MCTP2: variants seen among roughly 807,000 people sequenced by gnomAD.
The protein encoded by MCTP2 is multiple C2 and transmembrane domain containing 2, also known as multiple C2 and transmembrane domain-containing protein 2.
In MCTP2, 132 loss-of-function variants were observed where a neutral mutation model predicts 111.6. The observed-to-expected ratio is 1.18, with a 90% CI of 1.03 to 1.37. The LOEUF (loss-of-function observed/expected upper bound fraction) is 1.37, where lower values mean the gene tolerates loss of function less well. Among genes scored for constraint, MCTP2 ranks in the 40% most tolerant of loss-of-function variants. MCTP2 has a pLI of 0.00. For missense variants in MCTP2, 1,183 were observed against 1,067.9 expected, an observed-to-expected ratio of 1.11 and a Z score of -1.50; for synonymous variants, 395 against 387.7, an observed-to-expected ratio of 1.02 and a Z score of -0.22.
chr15:94,260,032 C>T (rs1431360514), intron 1 of MCTP2, among the ~76,000 whole-genome samples: 2 of 152,156 alleles, frequency 1.3e-5, no homozygotes, highest in South Asian at 2.1e-4. Flanking sequence ...ACTTTCTCTT[C>T]CCCTTTGGCT....
intron 17 of MCTP2, among the ~76,000 whole-genome samples, chr15:94,428,691 GT>G (rs1188604569): frequency 6.6e-6 from 1 of 151,648 alleles, no homozygotes; most frequent in East Asian, 1.9e-4. Flanking sequence ...CTATAACCTT[GT>G]TTCTGTGGTC....
chr15:94,249,100 A>C (rs945616697), intron 1 of MCTP2, among the ~76,000 whole-genome samples: 1 of 152,188 alleles, frequency 6.6e-6, no homozygotes, highest in Non-Finnish European at 1.5e-5. Flanking sequence ...AAACATGATA[A>C]TATTTTATTA....
chr15:94,300,390 G>T (rs2075548167), intron 2 of MCTP2, among the ~76,000 whole-genome samples: 1 of 151,544 alleles, frequency 6.6e-6, no homozygotes, highest in Non-Finnish European at 1.5e-5. Context: ...GGCACCTGTA[G>T]TCCCAGCTAC....
rs4001978 is a variant in MCTP2 at position 94,464,257 on chromosome 15, T to TATTA, written c.2360+6011_2360+6012insATTA. On this transcript the variant is annotated intron_variant, in intron 20 of 22. Transcript: ENST00000357742. ...TATATATAATATATATATATATATA[T>TATTA]TATATATATATATATATATATAAAC... 4.7e-3 allele frequency among the ~76,000 whole-genome samples: 213 copies of TATTA among 44,938 alleles called. 11 individuals carry two copies. The highest frequency in any genetic ancestry group is 0.018 in the South Asian group (24 of 1,318). 29.5% of individuals were successfully genotyped at this position (44,938 alleles called of 152,430 possible). A position where few individuals can be genotyped will look rare whatever the true frequency, so the allele number is the denominator to read the frequency against.
intron 17 of MCTP2, chr15:94,402,612 T>G (rs1474321707): frequency 6.5e-7 from 1 of 1,550,076 alleles, no homozygotes; most frequent in South Asian, 1.2e-5. Flanking sequence ...ACCACCTAAG[T>G]CTACCACTGA....
At chr15:94,291,578 G>C (rs2075033311) in intron 1 of MCTP2, among the ~76,000 whole-genome samples, 1 of 151,482 alleles carries the variant, frequency 6.6e-6, no homozygotes, top group Non-Finnish European at 1.5e-5. Context: ...TCCAGCCTGG[G>C]CTACAAGAGC....
chr15:94,470,252 A>C (rs897526039), intron 20 of MCTP2, 81 bp from the exon 21 acceptor site: 2 of 1,066,106 alleles, frequency 1.9e-6, no homozygotes, highest in African/African-American at 1.6e-5. Context: ...ATAATTATGA[A>C]CATGAAATAA....
chr15:94,403,316 C>G, intron 17 of MCTP2: 1 of 912,362 alleles, frequency 1.1e-6, no homozygotes, highest in Non-Finnish European at 1.3e-6. Context: ...TCACGTTCTC[C>G]TCAGCTGGTG....
chr15:94,343,048 G>GTA (rs1459639856), intron 7 of MCTP2: 1 of 115,300 alleles, frequency 8.7e-6, no homozygotes, highest in South Asian at 2.9e-4. Flanking sequence ...AGATAAACAT[G>GTA]TATATATATA....
At chr15:94,447,425 C>T (rs1256334840) in intron 19 of MCTP2, among the ~76,000 whole-genome samples, 3 of 152,138 alleles carry the variant, frequency 2.0e-5, no homozygotes, top group African/African-American at 7.2e-5. Context: ...GACAGAGTTT[C>T]ACTCTGTTGC....
At chr15:94,360,730 C>G (rs1204700300) in intron 10 of MCTP2, among the ~76,000 whole-genome samples, 1 of 151,224 alleles carries the variant, frequency 6.6e-6, no homozygotes, top group Non-Finnish European at 1.5e-5. Context: ...TAAGATGTCT[C>G]TTGTAATCCA....
In MCTP2 at chr15:94,339,290, G is replaced by A. The variant is rs1236021683; in HGVS notation, c.638G>A (p.Gly213Asp). The change falls in exon 5 of 23, where the codon GGC becomes GAC. Residue 213 changes from glycine to aspartate, a missense_variant and splice_region_variant. Transcript: ENST00000357742. ...GTCTTGTTTTCTTTTCCTTTTAAAG[G>A]CACAAGTGATCCTTATGTGAAATTT... ...GRNLVVRDRC[G>D]TSDPYVKFKL... 5.7e-6 allele frequency: 9 copies of A among 1,590,260 alleles called. No homozygotes were observed. Among genetic ancestry groups the A allele is most frequent in the Admixed American group, 1.9e-5 (1 of 53,762 alleles).
chr15:94,286,804 G>T (rs759559371), intron 1 of MCTP2, among the ~76,000 whole-genome samples: 68 of 152,160 alleles, frequency 4.5e-4, no homozygotes, highest in Admixed American at 6.5e-4. Flanking sequence ...TAGGCTCCTC[G>T]GCTTGGGGCC....
chr15:94,428,678 T>A (rs377071838), intron 17 of MCTP2, among the ~76,000 whole-genome samples: 1 of 152,190 alleles, frequency 6.6e-6, no homozygotes, highest in East Asian at 1.9e-4. Context: ...CTCACTTGTA[T>A]ATCTATAACC....
chr15:94,275,002 G>A (rs2074113385), intron 1 of MCTP2, among the ~76,000 whole-genome samples: 1 of 152,176 alleles, frequency 6.6e-6, no homozygotes, highest in Non-Finnish European at 1.5e-5. Flanking sequence ...GCAGTGAAAG[G>A]ATGAGTAAAT....
intron 4 of MCTP2, among the ~76,000 whole-genome samples, chr15:94,325,944 C>T (rs2076851592): frequency 3.3e-5 from 5 of 150,842 alleles, no homozygotes; most frequent in Admixed American, 2.6e-4. Context: ...ATCAGCCTCC[C>T]GAGTAGCTGG....
intron 19 of MCTP2, among the ~76,000 whole-genome samples, chr15:94,451,064 T>A (rs2084418916): frequency 6.6e-6 from 1 of 152,142 alleles, no homozygotes; most frequent in Non-Finnish European, 1.5e-5. Flanking sequence ...TTTTTAAAAT[T>A]TTTTTTCTTT....
At chr15:94,245,275 CGTAT>C (rs1567263862) in intron 1 of MCTP2, among the ~76,000 whole-genome samples, 2 of 130,252 alleles carry the variant, frequency 1.5e-5, no homozygotes, top group Non-Finnish European at 3.3e-5. Context: ...TGTGTATATA[CGTAT>C]ATACACATAT....
At chr15:94,244,669 TC>T (rs967667186) in intron 1 of MCTP2, among the ~76,000 whole-genome samples, 12 of 148,118 alleles carry the variant, frequency 8.1e-5, no homozygotes, top group Non-Finnish European at 1.6e-4. Flanking sequence ...CACATACATA[TC>T]CACCTATGTT....
Sources: allele counts gnomAD v4.1 joint callset (sites outside exome capture counted in the v4.1 genomes callset), GRCh38; gene constraint gnomAD v4.1.1; transcripts MANE v1.5; gene names NCBI Gene and HGNC (gene_info 2026-07-23, HGNC 2026-07-21).